ENPEP: variants seen among roughly 807,000 people sequenced by gnomAD.
ENPEP encodes glutamyl aminopeptidase, also known as AP-A.
ENPEP carries 103 observed loss-of-function variants against 114.5 expected under a neutral mutation model. That is an observed-to-expected ratio of 0.90 (90% CI 0.77 to 1.06). The LOEUF is 1.06. Among genes scored for constraint, ENPEP ranks in the 50% least tolerant of loss-of-function variants. ENPEP has a pLI of 0.00. For synonymous variants in ENPEP, 420 were observed against 422.0 expected (o/e 1.00, Z 0.06); for missense variants, 1,196 against 1,161.3 (o/e 1.03, Z -0.43).
At chr4:110,530,561 C>G (rs1329231609) in intron 10 of ENPEP, among the ~76,000 whole-genome samples, 1 of 152,138 alleles carries the variant, frequency 6.6e-6, no homozygotes, top group Non-Finnish European at 1.5e-5. Context: ...ACAAAGTTAA[C>G]TCCCACCTAC....
intron 10 of ENPEP, among the ~76,000 whole-genome samples, chr4:110,525,428 A>G (rs774126144): frequency 6.6e-6 from 1 of 152,020 alleles, no homozygotes; most frequent in Non-Finnish European, 1.5e-5. Context: ...CCCAGTTTTT[A>G]TTGCCCCCTC....
At chr4:110,550,896 C>G (rs73839638) in intron 17 of ENPEP, among the ~76,000 whole-genome samples, 12,402 of 152,040 alleles carry the variant, frequency 0.082, 566 homozygotes, top group South Asian at 0.14. Flanking sequence ...AATATACCTT[C>G]AGCCTCTTTC....
At chr4:110,509,223 G>A (rs941967156) in intron 4 of ENPEP, among the ~76,000 whole-genome samples, 1 of 152,192 alleles carries the variant, frequency 6.6e-6, no homozygotes, top group Non-Finnish European at 1.5e-5. Context: ...GAAAAATGGA[G>A]TTTTATATTC....
chr4:110,482,646 G>C (rs972909432), intron 1 of ENPEP, among the ~76,000 whole-genome samples: 1 of 152,170 alleles, frequency 6.6e-6, no homozygotes, highest in African/African-American at 2.4e-5. Flanking sequence ...TCGTATGTCA[G>C]TTTGTTCATT....
chr4:110,541,099 CTTCCT>C (rs1726831239), intron 11 of ENPEP, among the ~76,000 whole-genome samples: 1 of 152,094 alleles, frequency 6.6e-6, no homozygotes, highest in Non-Finnish European at 1.5e-5. Context: ...AAAAGATTAG[CTTCCT>C]TTCAACAACT....
At chr4:110,551,435 G>A (rs1236339417) in intron 17 of ENPEP, among the ~76,000 whole-genome samples, 1 of 152,122 alleles carries the variant, frequency 6.6e-6, no homozygotes, top group Non-Finnish European at 1.5e-5. Flanking sequence ...ACATTTGAGT[G>A]TGTTACTTTA....
rs188138217 is a variant in ENPEP at position 110,516,969 on chromosome 4, A to C, written c.1509+1527A>C. On this transcript the variant is annotated intron_variant, in intron 8 of 19. Transcript: ENST00000265162. ...ATTATTATTATTGTTATTGAGACAG[A>C]GTCTCGCTCTGTCGCCAAGGCTGGA... Among the ~76,000 whole-genome samples, 400 of 152,146 alleles carry C rather than the reference A, an allele frequency of 2.6e-3. 1 individual carries two copies. Among genetic ancestry groups the C allele is most frequent in the African/African-American group, 9.2e-3 (381 of 41,504 alleles).
At position 110,553,344 on chromosome 4, in the gene ENPEP, T is replaced by G. The variant is rs1238671096; in HGVS notation, c.2531T>G (p.Leu844Arg). 1 of 1,603,866 alleles carries G rather than the reference T, an allele frequency of 6.2e-7. No homozygotes were observed. Among genetic ancestry groups the G allele is most frequent in the East Asian group, 2.2e-5 (1 of 44,770 alleles). Reference sequence around the variant, plus strand: ...TTGGATTTGCTCAAGGACACGAACCTTATTAAAACTCAGGATGTGTTTACA... The same window carrying G: ...TTGGATTTGCTCAAGGACACGAACCGTATTAAAACTCAGGATGTGTTTACA... ...RYLDLLKDTN[L>R]IKTQDVFTVI... Residue 844 changes from leucine (L) to arginine (R), a missense_variant, in exon 18 of 20, where the codon CTT becomes CGT. Physicochemically the swap from Leu to Arg is moderately radical, Grantham distance 102. Transcript: ENST00000265162.
intron 18 of ENPEP, among the ~76,000 whole-genome samples, chr4:110,556,019 C>T (rs1727454611): frequency 6.6e-6 from 1 of 151,910 alleles, no homozygotes; most frequent in Non-Finnish European, 1.5e-5. Flanking sequence ...TCAGCATATT[C>T]ATTGCTAGTT....
chr4:110,505,185 T>C (rs11731078), intron 3 of ENPEP, among the ~76,000 whole-genome samples: 43,869 of 152,086 alleles, frequency 0.29, 6,656 homozygotes, highest in Non-Finnish European at 0.33. Context: ...ACTGGAGCCT[T>C]AGTTTCACTC....
At chr4:110,503,365 G>GT (rs921767939) in intron 3 of ENPEP, among the ~76,000 whole-genome samples, 47 of 151,906 alleles carry the variant, frequency 3.1e-4, no homozygotes, top group East Asian at 3.9e-4. Flanking sequence ...CCTGTAGTGT[G>GT]TTTTTTTTAG....
At chr4:110,490,590 T>G (rs1024185901) in intron 2 of ENPEP, among the ~76,000 whole-genome samples, 1 of 152,144 alleles carries the variant, frequency 6.6e-6, no homozygotes, top group Admixed American at 6.5e-5. Flanking sequence ...TGGTGTTTGA[T>G]GTAGACAACC....
chr4:110,493,926 T>A (rs920007457), intron 3 of ENPEP, among the ~76,000 whole-genome samples: 1 of 151,902 alleles, frequency 6.6e-6, no homozygotes, highest in South Asian at 2.1e-4. Flanking sequence ...GGAAAACAAG[T>A]AACATAAAAG....
intron 17 of ENPEP, among the ~76,000 whole-genome samples, chr4:110,552,907 T>A (rs1278206513): frequency 6.6e-6 from 1 of 152,112 alleles, no homozygotes; most frequent in Non-Finnish European, 1.5e-5. Context: ...ATTCTCTTAA[T>A]TTACTGGCTT....
intron 7 of ENPEP, among the ~76,000 whole-genome samples, chr4:110,514,397 C>T (rs777936375): frequency 6.6e-5 from 10 of 152,052 alleles, no homozygotes; most frequent in Non-Finnish European, 1.5e-4. Flanking sequence ...GACTTTCCCT[C>T]TCATATGATT....
rs1320542549 is a variant in ENPEP at position 110,476,892 on chromosome 4, T to C, written c.478T>C (p.Cys160Arg). The change falls in exon 1 of 20, where the codon TGT becomes CGT. Residue 160 changes from cysteine (C) to arginine (R), a missense_variant. Cys to Arg is a radical substitution (Grantham distance 180). Coordinates refer to ENST00000265162, the MANE Select transcript of ENPEP (RefSeq NM_001977.4). ...PSGDQVQVRR[C>R]FEYKKQEYVV... ...TGGGGACCAGGTGCAAGTCCGGAGGTGTTTCGAGTACAAAAAGCAGGAGTA... is the reference window on the plus strand; with the variant it reads ...TGGGGACCAGGTGCAAGTCCGGAGGCGTTTCGAGTACAAAAAGCAGGAGTA... 6.2e-7 allele frequency: 1 copy of C among 1,613,624 alleles called. No homozygotes were observed. Among genetic ancestry groups the C allele is most frequent in the Non-Finnish European group, 8.5e-7 (1 of 1,179,936 alleles).
At chr4:110,479,812 A>G (rs1338085918) in intron 1 of ENPEP, among the ~76,000 whole-genome samples, 1 of 152,156 alleles carries the variant, frequency 6.6e-6, no homozygotes, top group Non-Finnish European at 1.5e-5. Context: ...ATTTTATCTG[A>G]ATAAAACCAT....
In ENPEP at chr4:110,549,883, C is replaced by T. The variant is rs763113381; in HGVS notation, c.2498C>T (p.Ser833Leu). The change falls in exon 17 of 20, where the codon TCA (serine) becomes TTA (leucine). Residue 833 changes from serine to leucine, a missense_variant. Ser to Leu is a moderately radical substitution (Grantham distance 145). Coordinates refer to ENST00000265162, the MANE Select transcript of ENPEP (RefSeq NM_001977.4). ...TCAGTGAAGAACGTTACTCTTTTGT[C>T]AAGGTAAGTTGGGCTTTTATTTCAC... ...LASVKNVTLLSRYLDLLKDTN... is the reference protein window; with the variant it reads ...LASVKNVTLLLRYLDLLKDTN... 2.5e-6 allele frequency: 4 copies of T among 1,607,316 alleles called. No homozygotes were observed. Among genetic ancestry groups the T allele is most frequent in the Non-Finnish European group, 3.4e-6 (4 of 1,177,848 alleles).
At chr4:110,495,487 G>A (rs1212454028) in intron 3 of ENPEP, among the ~76,000 whole-genome samples, 4 of 152,160 alleles carry the variant, frequency 2.6e-5, no homozygotes, top group African/African-American at 9.7e-5. Flanking sequence ...TTGGGAGGCT[G>A]AGGTGTGCAG....
Sources: allele counts gnomAD v4.1 joint callset (sites outside exome capture counted in the v4.1 genomes callset), GRCh38; gene constraint gnomAD v4.1.1; transcripts MANE v1.5; gene names NCBI Gene and HGNC (gene_info 2026-07-23, HGNC 2026-07-21).